ERBB2: variants seen among roughly 807,000 people sequenced by gnomAD.
ERBB2 encodes the protein receptor tyrosine-protein kinase erbB-2.
A neutral mutation model predicts 149.0 loss-of-function variants in ERBB2; 61 were observed. The ratio of observed to expected loss-of-function variants is 0.41; its 90% CI spans 0.33 to 0.51. ERBB2 has a LOEUF of 0.51. Ranked by LOEUF, ERBB2 falls within the 20% of genes least tolerant of loss-of-function variation. The pLI, the probability that ERBB2 is intolerant of heterozygous loss-of-function variation, is 0.25. For missense variants in ERBB2, 1,205 were observed against 1,655.1 expected (o/e 0.73, Z 4.72); for synonymous variants, 633 against 678.8 (o/e 0.93, Z 1.05).
chr17:39,709,240 T>A (rs2058651036), intron 3 of ERBB2, 78 bp from the exon 4 acceptor site: 2 of 1,553,150 alleles, frequency 1.3e-6, no homozygotes, highest in Non-Finnish European at 1.8e-6. Context: ...GCTCCTCTTT[T>A]AGAAGGCAGG....
upstream of ERBB2, among the ~76,000 whole-genome samples, chr17:39,691,399 C>G (rs2057691707): frequency 6.6e-6 from 1 of 151,622 alleles, no homozygotes; most frequent in South Asian, 2.1e-4. Context: ...AAAAAATTAG[C>G]TGGGCATGGT....
chr17:39,726,237 G>A lies in ERBB2; in HGVS notation c.2873-325G>A. The A allele has an allele frequency of 2.3e-6, 1 of 429,402 alleles. No individual in the cohort carries two copies. The highest frequency in any genetic ancestry group is 4.2e-6 in the Non-Finnish European group (1 of 236,472). The allele number at this position is 429,402 out of a possible 1,614,324, so 26.6% of individuals were successfully genotyped here. A position where few individuals can be genotyped will look rare whatever the true frequency, so the allele number is the denominator to read the frequency against. Reference sequence around the variant, plus strand: ...TAGTCCCAGCTACTCAGGAGAGGCTGAGGCAGGAAGATCACTTGAGCCTAG... The same window carrying A: ...TAGTCCCAGCTACTCAGGAGAGGCTAAGGCAGGAAGATCACTTGAGCCTAG... On this transcript the variant is annotated intron_variant, in intron 23 of 26. Transcript: ENST00000269571. The surrounding 1 kb of genome is among the most constrained non-coding windows in gnomAD (Gnocchi z 5.1).
At position 39,710,082 on chromosome 17, in the gene ERBB2, A is replaced by G. The variant is rs2058706654; in HGVS notation, c.644-4A>G. 4 of 1,603,662 alleles carry G rather than the reference A, an allele frequency of 2.5e-6. No homozygotes were observed. Among genetic ancestry groups the G allele is most frequent in the Non-Finnish European group, 1.7e-6 (2 of 1,176,210 alleles). ...CAGCCCTCATCCTGCCCTTTGCCCA[A>G]CAGTGACGCGCACTGTCTGTGCCGG... On this transcript the variant is annotated splice_region_variant and splice_polypyrimidine_tract_variant and intron_variant, in intron 5 of 26. Coordinates refer to ENST00000269571, the MANE Select transcript of ERBB2 (RefSeq NM_004448.4).
At chr17:39,717,142 C>T (rs1485180542) in intron 14 of ERBB2, 178 bp from the exon 15 acceptor site, 2 of 532,490 alleles carry the variant, frequency 3.8e-6, no homozygotes, top group Non-Finnish European at 6.5e-6. Context: ...TGGAGGAGGG[C>T]CCCGAGGGAG....
intron 1 of ERBB2, among the ~76,000 whole-genome samples, chr17:39,704,776 C>T (rs2058325534): frequency 6.6e-6 from 1 of 152,134 alleles, no homozygotes; most frequent in Non-Finnish European, 1.5e-5. Context: ...CTTAATCAGA[C>T]TCAAATTGGC....
intron 7 of ERBB2, among the ~76,000 whole-genome samples, chr17:39,711,101 C>T (rs531943014): frequency 4.6e-5 from 7 of 152,170 alleles, no homozygotes; most frequent in South Asian, 4.2e-4. Context: ...GGTTTCACCA[C>T]GTTGGCCAGA....
At chr17:39,711,138 G>C (rs1209204664) in intron 7 of ERBB2, among the ~76,000 whole-genome samples, 1 of 151,094 alleles carries the variant, frequency 6.6e-6, no homozygotes, top group Admixed American at 6.6e-5. Flanking sequence ...GACTTCAGGC[G>C]ATCCACCTGC....
rs1387210776 is a variant in ERBB2 at position 39,715,272 on chromosome 17, C to G, written c.1149-14C>G. The G allele has an allele frequency of 1.9e-6, 3 of 1,613,290 alleles. No homozygotes were observed. Among genetic ancestry groups the G allele is most frequent in the Non-Finnish European group, 2.5e-6 (3 of 1,179,514 alleles). On this transcript the variant is annotated splice_polypyrimidine_tract_variant and intron_variant, in intron 9 of 26. Transcript: ENST00000269571. ...TGTTCCTGGCCCTGCTGACTCCTCT[C>G]CTGACCCCTCCAGGGACCCAGCCTC...
intron 15 of ERBB2, among the ~76,000 whole-genome samples, chr17:39,719,457 G>A (rs528554136): frequency 2.0e-5 from 3 of 152,330 alleles, no homozygotes; most frequent in South Asian, 2.1e-4. Context: ...TTGCCAAACC[G>A]TTCTCTGGAG....
chr17:39,699,834 G>A, upstream of ERBB2: 1 of 558,628 alleles, frequency 1.8e-6, no homozygotes, highest in Non-Finnish European at 3.0e-6. Context: ...GAGGAAAAGT[G>A]TGAGAACGGC....
upstream of ERBB2, among the ~76,000 whole-genome samples, chr17:39,692,423 A>T (rs1173697816): frequency 4.3e-3 from 572 of 131,834 alleles, 5 homozygotes; most frequent in African/African-American, 0.015. Context: ...TTTTTTTTTT[A>T]AACGGAGTTT....
intron 16 of ERBB2, among the ~76,000 whole-genome samples, chr17:39,720,517 G>A (rs1017165288): frequency 7.2e-5 from 11 of 152,084 alleles, no homozygotes; most frequent in South Asian, 4.1e-4. Context: ...GGCGATCATC[G>A]GTCCGTGAAA....
Position 39,700,072 on chromosome 17 carries a change from T to C in ERBB2, c.-167T>C, listed in dbSNP as rs528930915. The C allele has an allele frequency of 2.6e-4, 329 of 1,270,694 alleles. 1 individual carries two copies. Among genetic ancestry groups the C allele is most frequent in the East Asian group, 3.1e-4 (10 of 31,814 alleles). The allele number at this position is 1,270,694 out of a possible 1,614,324, so 78.7% of individuals were successfully genotyped here. Reference sequence around the variant, plus strand: ...GTTGTGAAGCTGAGATTCCCCTCCATTGGGACCGGAGAAACCAGGGGAGCC... The same window carrying C: ...GTTGTGAAGCTGAGATTCCCCTCCACTGGGACCGGAGAAACCAGGGGAGCC... On this transcript the variant is annotated 5_prime_UTR_variant, in exon 1 of 27. Coordinates refer to ENST00000269571, the MANE Select transcript of ERBB2 (RefSeq NM_004448.4).
chr17:39,727,967 G>C lies in ERBB2; in HGVS notation c.3691G>C (p.Gly1231Arg), dbSNP rs2059872989. The change falls in exon 27 of 27, where the codon GGG becomes CGG. Residue 1231 changes from glycine (G) to arginine (R), a missense_variant. Gly to Arg is a moderately radical substitution (Grantham distance 125). Around this residue, in one of 6 missense-constraint regions of ERBB2, gnomAD observed 312 missense variants for 343.8 expected, o/e 0.91. Coordinates refer to ENST00000269571, the MANE Select transcript of ERBB2 (RefSeq NM_004448.4). This position sits in a 1 kb window ranked among gnomAD's most constrained non-coding sequence, Gnocchi z 4.3. ...YYWDQDPPER[G>R]APPSTFKGTP... ...CTGGGACCAGGACCCACCAGAGCGG[G>C]GGGCTCCACCCAGCACCTTCAAAGG... is the stretch of plus-strand genomic sequence containing the variant. The C allele has an allele frequency of 1.2e-6, 2 of 1,613,732 alleles. No homozygotes were observed. The highest frequency in any genetic ancestry group is 1.7e-5 in the Admixed American group (1 of 60,002).
At chr17:39,710,250 A>G in intron 6 of ERBB2, 49 bp downstream of exon 6, 1 of 1,605,682 alleles carries the variant, frequency 6.2e-7, no homozygotes, top group East Asian at 2.2e-5. Context: ...CCAGGATGCA[A>G]GGGGTGGGCA....
upstream of ERBB2, chr17:39,699,691 A>T (rs1179409037): frequency 6.4e-6 from 5 of 787,158 alleles, no homozygotes; most frequent in Non-Finnish European, 1.1e-5. Flanking sequence ...ATGGAGTAGG[A>T]TGCAAGCTCC....
intron 9 of ERBB2, among the ~76,000 whole-genome samples, chr17:39,714,478 A>C (rs1006297826): frequency 2.6e-5 from 4 of 152,214 alleles, no homozygotes; most frequent in Admixed American, 1.3e-4. Flanking sequence ...AACAGTCCCA[A>C]CTTCATAAGA....
Position 39,717,337 on chromosome 17 carries a change from G to A in ERBB2, c.1755G>A (p.Val585=), listed in dbSNP as rs1458686041. The change falls in exon 15 of 27, where the codon GTG becomes GTA. Residue 585 remains valine (V), a synonymous_variant. Coordinates refer to ENST00000269571, the MANE Select transcript of ERBB2 (RefSeq NM_004448.4). ...CCCCCCAGGAGGCTGACCAGTGTGT[G>A]GCCTGTGCCCACTATAAGGACCCTC... ...TCFGPEADQC[V]ACAHYKDPPF... 1.2e-6 allele frequency: 2 copies of A among 1,611,908 alleles called. No homozygotes were observed. Among genetic ancestry groups the A allele is most frequent in the East Asian group, 2.2e-5 (1 of 44,876 alleles).
At chr17:39,699,543 C>T (rs1327433225), upstream of ERBB2, 5 of 1,534,692 alleles carry the variant, frequency 3.3e-6, no homozygotes, top group Admixed American at 2.0e-5. Flanking sequence ...TCAGATACTT[C>T]AAAGATTCCA....
Sources: allele counts gnomAD v4.1 joint callset (sites outside exome capture counted in the v4.1 genomes callset), GRCh38; gene constraint gnomAD v4.1.1; regional missense constraint gnomAD v4.1.1; non-coding constraint Gnocchi (gnomAD v3.1); transcripts MANE v1.5; gene names NCBI Gene and HGNC (gene_info 2026-07-23, HGNC 2026-07-21).